Variants in GRIN2B observed in about 807,000 individuals in gnomAD.
GRIN2B encodes the protein glutamate ionotropic receptor NMDA type subunit 2B, also known as glutamate receptor ionotropic, NMDA 2B.
A neutral mutation model predicts 114.5 loss-of-function variants in GRIN2B; 5 were observed. The observed-to-expected ratio is 0.04, with a 90% CI of 0.02 to 0.09. The LOEUF is 0.09. Among genes scored for constraint, GRIN2B ranks in the 10% least tolerant of loss-of-function variants. The probability of loss-of-function intolerance (pLI) is 1.00; values close to 1 mark genes in which losing one functional copy is unlikely to be tolerated. For missense variants in GRIN2B, 1,108 were observed against 1,943.5 expected, an observed-to-expected ratio of 0.57 and a Z score of 8.08; for synonymous variants, 787 against 745.1, an observed-to-expected ratio of 1.06 and a Z score of -0.92.
chr12:13,575,632 C>T (rs1948764615), intron 10 of GRIN2B, among the ~76,000 whole-genome samples: 1 of 151,672 alleles, frequency 6.6e-6, no homozygotes, highest in African/African-American at 2.4e-5. Flanking sequence ...GCACTTCAGC[C>T]TGGGTGACAG....
chr12:13,728,853 T>A (rs1394692425), intron 4 of GRIN2B, among the ~76,000 whole-genome samples: 1 of 152,206 alleles, frequency 6.6e-6, no homozygotes, highest in Non-Finnish European at 1.5e-5. Context: ...ACCTACCAGT[T>A]TGATAATCAC....
Position 13,616,552 on chromosome 12 carries a change from G to A in GRIN2B, c.1231C>T (p.Leu411=). The change falls in exon 6 of 14, where the codon CTG becomes TTG. Residue 411 remains leucine (L), a synonymous_variant. Coordinates refer to ENST00000609686, the MANE Select transcript of GRIN2B (RefSeq NM_000834.5). The stretch of plus-strand genomic sequence containing the variant: ...ACAATGACAAATGGTGCCTCCTCCA[G>A]GGTCACAATGCTCAGATGGTCATCC... ...QEDDHLSIVT[L]EEAPFVIVES... 2 of 1,613,842 alleles carry A rather than the reference G, an allele frequency of 1.2e-6. No homozygotes were observed. Among genetic ancestry groups the A allele is most frequent in the Middle Eastern group, 1.7e-4 (1 of 6,060 alleles).
At chr12:13,841,981 G>T (rs1236335291) in intron 3 of GRIN2B, among the ~76,000 whole-genome samples, 1 of 151,968 alleles carries the variant, frequency 6.6e-6, no homozygotes, top group Non-Finnish European at 1.5e-5. Context: ...AAAATAATTA[G>T]TCTGCAAATT....
intron 2 of GRIN2B, among the ~76,000 whole-genome samples, chr12:13,952,638 C>G (rs570577832): frequency 6.6e-6 from 1 of 151,928 alleles, no homozygotes; most frequent in Non-Finnish European, 1.5e-5. Flanking sequence ...TTAAAAGATC[C>G]TGAATATCAA....
At chr12:13,783,867 T>C (rs1373480235) in intron 3 of GRIN2B, among the ~76,000 whole-genome samples, 2 of 152,150 alleles carry the variant, frequency 1.3e-5, no homozygotes, top group South Asian at 2.1e-4. Flanking sequence ...GAGAGTTCAG[T>C]GTTTTCAGAA....
intron 4 of GRIN2B, among the ~76,000 whole-genome samples, chr12:13,748,896 T>C (rs187686593): frequency 6.6e-6 from 1 of 152,348 alleles, no homozygotes; most frequent in East Asian, 1.9e-4. Flanking sequence ...CATGCAATAT[T>C]TAGTATTGAC....
chr12:13,568,441 C>A (rs1429289564), intron 12 of GRIN2B, among the ~76,000 whole-genome samples: 11 of 152,194 alleles, frequency 7.2e-5, no homozygotes, highest in African/African-American at 2.2e-4. Context: ...CCATTATTGC[C>A]TTTGAGTGAC....
chr12:13,564,112 G>T lies in GRIN2B; in HGVS notation c.3126C>A (p.Phe1042Leu). Residue 1042 changes from phenylalanine to leucine, a missense_variant, in exon 14 of 14, where the codon TTC (phenylalanine) becomes TTA (leucine). By Grantham distance (22) the Phe-to-Leu change is conservative. Coordinates refer to ENST00000609686, the MANE Select transcript of GRIN2B (RefSeq NM_000834.5). This position sits in a 1 kb window ranked among gnomAD's most constrained non-coding sequence, Gnocchi z 4.8. ...HSQLSDLYGK[F>L]SFKSDRYSGH... ...CACTGTAGCGGTCGCTCTTGAAGGA[G>T]AATTTGCCGTACAGGTCACTGAGCT... 1 of 1,614,188 alleles carries T rather than the reference G, an allele frequency of 6.2e-7. No individual in the cohort carries two copies. Among genetic ancestry groups the T allele is most frequent in the Middle Eastern group, 1.6e-4 (1 of 6,062 alleles).
chr12:13,733,993 T>TC (rs1186457902), intron 4 of GRIN2B, among the ~76,000 whole-genome samples: 4 of 152,186 alleles, frequency 2.6e-5, no homozygotes, highest in Admixed American at 2.0e-4. Context: ...GCTCTCTTGC[T>TC]TCTTGCCACT....
chr12:13,835,306 G>T (rs139230649), intron 3 of GRIN2B, among the ~76,000 whole-genome samples: 22 of 152,132 alleles, frequency 1.4e-4, no homozygotes, highest in African/African-American at 5.1e-4. Flanking sequence ...AAAATGAGTG[G>T]TACAGAAAAA....
intron 2 of GRIN2B, among the ~76,000 whole-genome samples, chr12:13,869,404 G>C (rs996364696): frequency 5.3e-5 from 8 of 151,804 alleles, no homozygotes; most frequent in African/African-American, 1.9e-4. Flanking sequence ...CAATAAGGAA[G>C]GACTCAATAA....
intron 2 of GRIN2B, among the ~76,000 whole-genome samples, chr12:13,975,197 G>T (rs1862998417): frequency 6.6e-6 from 1 of 152,224 alleles, no homozygotes; most frequent in Non-Finnish European, 1.5e-5. Flanking sequence ...GTAATTAAAA[G>T]CAGGGATGGT....
At chr12:13,734,801 G>A (rs2136608605) in intron 4 of GRIN2B, among the ~76,000 whole-genome samples, 1 of 152,332 alleles carries the variant, frequency 6.6e-6, no homozygotes, top group Non-Finnish European at 1.5e-5. Flanking sequence ...AGGCTTCAGA[G>A]AGGAGGCAAC....
At chr12:13,722,725 G>A (rs968719125) in intron 4 of GRIN2B, among the ~76,000 whole-genome samples, 21 of 152,080 alleles carry the variant, frequency 1.4e-4, no homozygotes, top group Admixed American at 6.6e-4. Flanking sequence ...CTGGAGTGCT[G>A]GGCTGACTCG....
intron 3 of GRIN2B, among the ~76,000 whole-genome samples, chr12:13,852,692 GAAA>G (rs56860420): frequency 1.0e-5 from 1 of 95,896 alleles, no homozygotes. Flanking sequence ...GAGAGATGAG[GAAA>G]AAAAAAAAAA....
intron 10 of GRIN2B, among the ~76,000 whole-genome samples, chr12:13,598,453 C>A (rs1396146110): frequency 6.6e-6 from 1 of 152,180 alleles, no homozygotes; most frequent in Non-Finnish European, 1.5e-5. Context: ...GACCAGTTCT[C>A]ACCAAGACCT....
intron 2 of GRIN2B, among the ~76,000 whole-genome samples, chr12:13,961,161 A>G (rs947391257): frequency 6.9e-4 from 105 of 152,174 alleles, no homozygotes; most frequent in African/African-American, 2.3e-3. Flanking sequence ...TGGGTGGGTC[A>G]GTACTGGAGA....
chr12:13,881,473 C>G (rs778872248), intron 2 of GRIN2B, among the ~76,000 whole-genome samples: 1 of 152,200 alleles, frequency 6.6e-6, no homozygotes, highest in Non-Finnish European at 1.5e-5. Flanking sequence ...CCAACTGAGT[C>G]AGTGACTCAA....
rs933441011 is a variant in GRIN2B at position 13,571,150 on chromosome 12, A to C, written c.2171+654T>G. Among the ~76,000 whole-genome samples the C allele has an allele frequency of 3.3e-5, 5 of 152,326 alleles. No homozygotes were observed. The East Asian group carries it at 7.7e-4, about 23-fold the overall frequency. Reference sequence around the variant, plus strand: ...GCTGTTAGTCATCATACAACAAAGAAAATCAGCTACGAGACCCCTTGACCT... The same window carrying C: ...GCTGTTAGTCATCATACAACAAAGACAATCAGCTACGAGACCCCTTGACCT... On this transcript the variant is annotated intron_variant, in intron 11 of 13. Coordinates refer to ENST00000609686, the MANE Select transcript of GRIN2B (RefSeq NM_000834.5).
Sources: allele counts gnomAD v4.1 joint callset (sites outside exome capture counted in the v4.1 genomes callset), GRCh38; gene constraint gnomAD v4.1.1; non-coding constraint Gnocchi (gnomAD v3.1); transcripts MANE v1.5; gene names NCBI Gene and HGNC (gene_info 2026-07-23, HGNC 2026-07-21).